Variants in SMG6 observed in about 807,000 individuals in gnomAD.
The protein encoded by SMG6 is SMG6 nonsense mediated mRNA decay factor.
Under a neutral mutation model 142.2 loss-of-function variants are expected in SMG6, and 66 were observed. The observed-to-expected ratio is 0.46, with a 90% CI of 0.38 to 0.57. The LOEUF (loss-of-function observed/expected upper bound fraction) is 0.57, where lower values mean the gene tolerates loss of function less well. Among genes scored for constraint, SMG6 ranks in the 20% least tolerant of loss-of-function variants. SMG6 has a pLI of 0.00. For missense variants in SMG6, 1,793 were observed against 1,832.0 expected (o/e 0.98, Z 0.39); for synonymous variants, 779 against 702.4 (o/e 1.11, Z -1.72).
chr17:2,300,206 T>C lies in SMG6; in HGVS notation c.547A>G (p.Arg183Gly), dbSNP rs1473928084. ...EQLRVEEDEC[R>G]GNVAKEEVAN... Reference sequence around the variant, plus strand: ...ACTTCCTCCTTCGCAACATTTCCCCTACACTCATCTTCCTCTACTCTCAGT... The same window carrying C: ...ACTTCCTCCTTCGCAACATTTCCCCCACACTCATCTTCCTCTACTCTCAGT... The change falls in exon 2 of 19, where the codon AGG (arginine) becomes GGG (glycine). Residue 183 changes from arginine to glycine, a missense_variant. By Grantham distance (125) the Arg-to-Gly change is moderately radical (BLOSUM62 -2). Around this residue, in one of 3 missense-constraint regions of SMG6, gnomAD observed 1,597 missense variants for 1,584.6 expected, o/e 1.01. Coordinates refer to ENST00000263073, the MANE Select transcript of SMG6 (RefSeq NM_017575.5). 6.2e-7 allele frequency: 1 copy of C among 1,614,046 alleles called. No individual in the cohort carries two copies. Among genetic ancestry groups the C allele is most frequent in the Non-Finnish European group, 8.5e-7 (1 of 1,180,042 alleles).
At chr17:2,209,317 A>G (rs2072779057) in intron 10 of SMG6, among the ~76,000 whole-genome samples, 1 of 151,952 alleles carries the variant, frequency 6.6e-6, no homozygotes, top group African/African-American at 2.4e-5. Flanking sequence ...GGTTTAAGAG[A>G]TCAGCCTCCC....
At chr17:2,193,090 C>G (rs1466389) in intron 10 of SMG6, among the ~76,000 whole-genome samples, 2 of 151,988 alleles carry the variant, frequency 1.3e-5, no homozygotes, top group Non-Finnish European at 2.9e-5. Flanking sequence ...CCAAATCTCA[C>G]GTCGAATTGT....
intron 10 of SMG6, among the ~76,000 whole-genome samples, chr17:2,232,123 G>T (rs1291413857): frequency 6.6e-6 from 1 of 151,872 alleles, no homozygotes; most frequent in Non-Finnish European, 1.5e-5. Flanking sequence ...GGCCAGATTG[G>T]AACAAATTGG....
intron 18 of SMG6, 110 bp from the exon 19 acceptor site, chr17:2,061,732 G>T: frequency 8.0e-7 from 1 of 1,253,498 alleles, no homozygotes; most frequent in Non-Finnish European, 1.1e-6. Flanking sequence ...CACGCTAGCC[G>T]TGTCTTGGCT....
At chr17:2,297,116 G>T in intron 4 of SMG6, 127 bp downstream of exon 4, 1 of 602,080 alleles carries the variant, frequency 1.7e-6, no homozygotes, top group Non-Finnish European at 2.9e-6. Flanking sequence ...TAATCTATCT[G>T]TCCCTGCACT....
intron 10 of SMG6, among the ~76,000 whole-genome samples, chr17:2,193,741 A>G (rs1454332425): frequency 3.3e-5 from 5 of 152,274 alleles, no homozygotes; most frequent in Non-Finnish European, 4.4e-5. Context: ...TGTACTACAT[A>G]TCATAAGGAA....
Position 2,060,297 on chromosome 17 carries a change from G to C in SMG6, c.*1195C>G, listed in dbSNP as rs1238920255. 1 of 152,284 alleles carries C rather than the reference G, an allele frequency of 6.6e-6. No individual in the cohort carries two copies. Among genetic ancestry groups the C allele is most frequent in the East Asian group, 1.9e-4 (1 of 5,204 alleles). 9.4% of individuals were successfully genotyped at this position (152,284 alleles called of 1,614,324 possible). On this transcript the variant is annotated 3_prime_UTR_variant, in exon 19 of 19. Coordinates refer to ENST00000263073, the MANE Select transcript of SMG6 (RefSeq NM_017575.5). The stretch of plus-strand genomic sequence containing the variant: ...AGGAAGCCTCCCCACTGAGGTACCA[G>C]CTAAAGGGGCAAGGAAAGGGCCCCT...
chr17:2,196,747 A>G (rs991066644), intron 10 of SMG6, among the ~76,000 whole-genome samples: 1 of 152,078 alleles, frequency 6.6e-6, no homozygotes, highest in Non-Finnish European at 1.5e-5. Flanking sequence ...TAATGAAGAA[A>G]GGGGCCGGGC....
intron 13 of SMG6, among the ~76,000 whole-genome samples, chr17:2,112,205 C>G (rs868753114): frequency 6.6e-6 from 1 of 150,972 alleles, no homozygotes; most frequent in Non-Finnish European, 1.5e-5. Flanking sequence ...CCGCTTCCCT[C>G]TTAAAAAAAA....
At chr17:2,096,566 A>T (rs887246834) in intron 13 of SMG6, among the ~76,000 whole-genome samples, 2 of 151,818 alleles carry the variant, frequency 1.3e-5, no homozygotes, top group Admixed American at 6.6e-5. Flanking sequence ...AGCTGATCTC[A>T]AACTCATAGC....
chr17:2,282,556 T>A, intron 8 of SMG6, 91 bp downstream of exon 8: 1 of 1,266,844 alleles, frequency 7.9e-7, no homozygotes, highest in Non-Finnish European at 1.1e-6. Flanking sequence ...TTGCAATCAG[T>A]GGGAAGTATC....
chr17:2,140,897 C>T (rs2070457984), intron 13 of SMG6, among the ~76,000 whole-genome samples: 1 of 152,150 alleles, frequency 6.6e-6, no homozygotes, highest in African/African-American at 2.4e-5. Flanking sequence ...ACCTGGAGAG[C>T]TTGTTAAATG....
At chr17:2,134,949 G>A (rs932881740) in intron 13 of SMG6, among the ~76,000 whole-genome samples, 1 of 151,846 alleles carries the variant, frequency 6.6e-6, no homozygotes, top group Non-Finnish European at 1.5e-5. Context: ...GCACGAACTC[G>A]GCTCATTGCA....
intron 18 of SMG6, chr17:2,063,366 T>A (rs2067841080): frequency 6.6e-6 from 1 of 152,262 alleles, no homozygotes. Context: ...GGTTTCTCTG[T>A]GAATCTGACA....
At chr17:2,297,131 T>C (rs1340717764) in intron 4 of SMG6, 112 bp downstream of exon 4, 2 of 702,054 alleles carry the variant, frequency 2.8e-6, no homozygotes, top group East Asian at 2.6e-5. Context: ...TGCACTGAAC[T>C]GTATCATTAT....
At chr17:2,073,292 C>T (rs1182048869) in intron 15 of SMG6, among the ~76,000 whole-genome samples, 1 of 152,032 alleles carries the variant, frequency 6.6e-6, no homozygotes, top group Non-Finnish European at 1.5e-5. Flanking sequence ...CCATGTTGGC[C>T]ACACTGGTCT....
At chr17:2,145,280 A>ATTT (rs113435292) in intron 13 of SMG6, among the ~76,000 whole-genome samples, 3 of 136,130 alleles carry the variant, frequency 2.2e-5, no homozygotes, top group African/African-American at 2.7e-5. Flanking sequence ...CACCCAGCTA[A>ATTT]TTTTTTTTTT....
intron 13 of SMG6, among the ~76,000 whole-genome samples, chr17:2,106,701 A>G (rs562715004): frequency 1.6e-4 from 24 of 152,332 alleles, no homozygotes; most frequent in Non-Finnish European, 3.2e-4. Context: ...GCCACTACAT[A>G]TATGGGGGAA....
In SMG6 at chr17:2,202,669, A is replaced by T. The variant is rs533250997; in HGVS notation, c.2870-14154T>A. Among the ~76,000 whole-genome samples the T allele has an allele frequency of 2.6e-5, 4 of 152,390 alleles. No individual in the cohort carries two copies. The South Asian group carries it at 8.3e-4, about 32-fold the overall frequency. On this transcript the variant is annotated intron_variant, in intron 10 of 18. Coordinates refer to ENST00000263073, the MANE Select transcript of SMG6 (RefSeq NM_017575.5). ...ATTTGATAAAGAAAAGTAGACATAC[A>T]TGAGTACCCAGTAGGTAACAAAGCC...
Sources: allele counts gnomAD v4.1 joint callset (sites outside exome capture counted in the v4.1 genomes callset), GRCh38; gene constraint gnomAD v4.1.1; regional missense constraint gnomAD v4.1.1; transcripts MANE v1.5; gene names NCBI Gene and HGNC (gene_info 2026-07-23, HGNC 2026-07-21).